The following TMF1 variants were observed in gnomAD, a reference collection of about 807,000 sequenced individuals.
TMF1 encodes TATA element modulatory factor 1.
TMF1 carries 71 observed loss-of-function variants against 126.5 expected under a neutral mutation model. The ratio of observed to expected loss-of-function variants is 0.56; its 90% CI spans 0.46 to 0.68. The LOEUF (loss-of-function observed/expected upper bound fraction) is 0.68. TMF1 is among the 30% of genes least tolerant of loss of function. TMF1 has a pLI of 0.00. For synonymous variants in TMF1, 461 were observed against 430.5 expected (o/e 1.07, Z -0.88); for missense variants, 1,259 against 1,253.2 (o/e 1.00, Z -0.07).
chr3:69,050,022 G>C (rs1204148640), intron 1 of TMF1, among the ~76,000 whole-genome samples: 1 of 152,046 alleles, frequency 6.6e-6, no homozygotes, highest in African/African-American at 2.4e-5. Context: ...CACTTTGGGA[G>C]GCCGAGGCGG....
At chr3:69,031,008 T>G (rs915777055) in intron 10 of TMF1, among the ~76,000 whole-genome samples, 1 of 152,202 alleles carries the variant, frequency 6.6e-6, no homozygotes, top group Non-Finnish European at 1.5e-5. Flanking sequence ...ACGTCCCTTG[T>G]GCAGTGAATG....
At position 69,020,925 on chromosome 3, in the gene TMF1, T is replaced by C. The variant is rs988789596; in HGVS notation, c.*2252A>G. The C allele has an allele frequency of 6.6e-6, 1 of 152,202 alleles. No homozygotes were observed. Among genetic ancestry groups the C allele is most frequent in the Non-Finnish European group, 1.5e-5 (1 of 68,012 alleles). 9.4% of individuals were successfully genotyped at this position (152,202 alleles called of 1,614,324 possible). On this transcript the variant is annotated 3_prime_UTR_variant, in exon 17 of 17. Coordinates refer to ENST00000398559, the MANE Select transcript of TMF1 (RefSeq NM_007114.3). The stretch of plus-strand genomic sequence containing the variant: ...TGAAGTTTTTTTCTACTAGTGGATA[T>C]TTTAAAGGGACTATTTTATAATTCC...
At chr3:69,037,208 A>G (rs909526478) in intron 8 of TMF1, among the ~76,000 whole-genome samples, 1 of 152,262 alleles carries the variant, frequency 6.6e-6, no homozygotes. Context: ...AAGAGAATGC[A>G]AATCAGCCGG....
At chr3:69,051,831 A>T (rs2107473204) in intron 1 of TMF1, 114 bp downstream of exon 1, 1 of 1,268,180 alleles carries the variant, frequency 7.9e-7, no homozygotes, top group African/African-American at 1.5e-5. Flanking sequence ...GGGAGAAATT[A>T]CTTCCTGAAA....
intron 14 of TMF1, 50 bp downstream of exon 14, chr3:69,025,946 C>T (rs1433288694): frequency 4.8e-6 from 7 of 1,457,928 alleles, no homozygotes; most frequent in Non-Finnish European, 6.7e-6. Flanking sequence ...TTGCATATTT[C>T]CTTTATTATT....
chr3:69,050,818 G>C (rs1486378601), intron 1 of TMF1, among the ~76,000 whole-genome samples: 3 of 152,194 alleles, frequency 2.0e-5, no homozygotes, highest in African/African-American at 4.8e-5. Context: ...GAAAGGAGTA[G>C]TCAAGTACAT....
intron 2 of TMF1, among the ~76,000 whole-genome samples, chr3:69,045,614 T>C (rs1198101626): frequency 6.6e-6 from 1 of 151,412 alleles, no homozygotes; most frequent in Non-Finnish European, 1.5e-5. Context: ...ACCCCATCTC[T>C]ACAAAAAATA....
In TMF1 at chr3:69,048,491, T is replaced by C; in HGVS notation, c.214A>G (p.Ser72Gly). The C allele has an allele frequency of 6.2e-7, 1 of 1,614,180 alleles. No individual in the cohort carries two copies. The highest frequency in any genetic ancestry group is 2.2e-5 in the East Asian group (1 of 44,882). Reference protein sequence around the residue: ...WGLKSNTEPQSPPIASPKAIT... With the variant: ...WGLKSNTEPQGPPIASPKAIT... ...GCTTTAGGAGAGGCTATTGGTGGACTCTGAGGTTCAGTGTTTGATTTCAAC... is the reference window on the plus strand; with the variant it reads ...GCTTTAGGAGAGGCTATTGGTGGACCCTGAGGTTCAGTGTTTGATTTCAAC... Residue 72 changes from serine to glycine, a missense_variant, in exon 2 of 17, where the codon AGT becomes GGT. Ser to Gly is a moderately conservative substitution (Grantham distance 56, BLOSUM62 0). Transcript: ENST00000398559.
chr3:69,043,266 C>G lies in TMF1; in HGVS notation c.1579-354G>C, dbSNP rs370623550. ...CTCACCACAGCCTCAACCTCCCAGGCTCAGGTGATCCTCCCACCTCAGCTT... is the reference window on the plus strand; with the variant it reads ...CTCACCACAGCCTCAACCTCCCAGGGTCAGGTGATCCTCCCACCTCAGCTT... On this transcript the variant is annotated intron_variant, in intron 4 of 16. Coordinates refer to ENST00000398559, the MANE Select transcript of TMF1 (RefSeq NM_007114.3). 9.2e-5 allele frequency among the ~76,000 whole-genome samples: 14 copies of G among 152,272 alleles called. 1 individual carries two copies. In the South Asian group the frequency reaches 2.7e-3, roughly 29 times the overall value.
chr3:69,036,266 G>A (rs536864877), intron 8 of TMF1, among the ~76,000 whole-genome samples: 1 of 151,238 alleles, frequency 6.6e-6, no homozygotes, highest in African/African-American at 2.4e-5. Context: ...AAGGATGTAG[G>A]AGATAGAAAT....
chr3:69,026,071 G>A lies in TMF1; in HGVS notation c.2784C>T (p.Ser928=). 1 of 1,613,970 alleles carries A rather than the reference G, an allele frequency of 6.2e-7. No homozygotes were observed. The highest frequency in any genetic ancestry group is 8.5e-7 in the Non-Finnish European group (1 of 1,179,932). Residue 928 remains serine, a synonymous_variant, in exon 14 of 17, where the codon AGC becomes AGT. Coordinates refer to ENST00000398559, the MANE Select transcript of TMF1 (RefSeq NM_007114.3). Reference sequence around the variant, plus strand: ...AACTTGAGCGTGACATGGTGGGAGTGCTAGAAACAGAAAATGGCTTGCGTT... The same window carrying A: ...AACTTGAGCGTGACATGGTGGGAGTACTAGAAACAGAAAATGGCTTGCGTT... The part of the protein sequence containing the change: ...EKERKPFSVS[S]TPTMSRSSSI...
intron 4 of TMF1, 77 bp downstream of exon 4, chr3:69,043,673 C>T (rs1288915731): frequency 8.5e-6 from 11 of 1,294,060 alleles, no homozygotes; most frequent in African/African-American, 6.1e-5. Context: ...TTTCCAATAT[C>T]AAAATACGAT....
chr3:69,027,314 A>G (rs1244589091), intron 13 of TMF1, among the ~76,000 whole-genome samples: 1 of 152,100 alleles, frequency 6.6e-6, no homozygotes, highest in Non-Finnish European at 1.5e-5. Context: ...CTCATTTCAG[A>G]AAAATTACCC....
chr3:69,035,070 C>T lies in TMF1; in HGVS notation c.2197G>A (p.Ala733Thr). Residue 733 changes from alanine to threonine, a missense_variant, in exon 9 of 17, where the codon GCC becomes ACC. Transcript: ENST00000398559. ...LALQRTEQAA[A>T]RKEDYLRHEI... ...TGGCGTAAATAATCCTCCTTTCTGG[C>T]AGCCGCTTGTTCTGTACGCTGCAAT... 6.2e-7 allele frequency: 1 copy of T among 1,614,184 alleles called. No individual in the cohort carries two copies. The highest frequency in any genetic ancestry group is 8.5e-7 in the Non-Finnish European group (1 of 1,180,022).
At chr3:69,039,096 GA>G (rs2091849365) in intron 6 of TMF1, 87 bp from the exon 7 acceptor site, 5 of 1,073,204 alleles carry the variant, frequency 4.7e-6, no homozygotes. Flanking sequence ...TAATAATGGA[GA>G]AAAATATATA....
At chr3:69,023,403 G>T in intron 16 of TMF1, 83 bp from the exon 17 acceptor site, 2 of 1,088,080 alleles carry the variant, frequency 1.8e-6, no homozygotes, top group East Asian at 2.6e-5. Flanking sequence ...AGTCAACAAT[G>T]AAAACACTAC....
At position 69,027,089 on chromosome 3, in the gene TMF1, G is replaced by A. The variant is rs186646645; in HGVS notation, c.2757+811C>T. Among the ~76,000 whole-genome samples the A allele has an allele frequency of 2.2e-3, 329 of 152,068 alleles. 7 individuals carry two copies. Among genetic ancestry groups the A allele is most frequent in the African/African-American group, 6.3e-4 (26 of 41,482 alleles). On this transcript the variant is annotated intron_variant, in intron 13 of 16. Transcript: ENST00000398559. ...CGGCTCACTGCAGCCTCCGCCTCCC[G>A]GGTTCAAGCAATTCTCCCACCTCTG...
intron 11 of TMF1, 94 bp downstream of exon 11, chr3:69,029,721 G>T: frequency 5.6e-6 from 7 of 1,241,666 alleles, no homozygotes; most frequent in Non-Finnish European, 7.8e-6. Context: ...GATTACAGGC[G>T]TGAGCCACGG....
intron 1 of TMF1, 106 bp from the exon 2 acceptor site, chr3:69,048,668 T>C (rs542169848): frequency 1.9e-6 from 2 of 1,053,760 alleles, no homozygotes; most frequent in African/African-American, 1.6e-5. Flanking sequence ...AAATACCCTA[T>C]GAAATACCTG....
Sources: allele counts gnomAD v4.1 joint callset (sites outside exome capture counted in the v4.1 genomes callset), GRCh38; gene constraint gnomAD v4.1.1; transcripts MANE v1.5; gene names NCBI Gene and HGNC (gene_info 2026-07-23, HGNC 2026-07-21).